Variants in PCDHA9 observed in about 807,000 individuals in gnomAD.
PCDHA9 encodes protocadherin alpha 9.
In PCDHA9, 62 loss-of-function variants were observed where a neutral mutation model predicts 62.0. The ratio of observed to expected loss-of-function variants is 1.00; its 90% CI spans 0.81 to 1.23. The LOEUF is 1.23. Ranked by LOEUF, PCDHA9 falls within the 50% of genes most tolerant of loss-of-function variation. PCDHA9 has a pLI of 0.00. For synonymous variants in PCDHA9, 557 were observed against 567.6 expected, an observed-to-expected ratio of 0.98 and a Z score of 0.27; for missense variants, 1,205 against 1,249.8, an observed-to-expected ratio of 0.96 and a Z score of 0.54.
rs1554262627 is a variant in PCDHA9 at position 141,009,982 on chromosome 5, T to C, written c.*45T>C. On this transcript the variant is annotated 3_prime_UTR_variant, in exon 4 of 4. Transcript: ENST00000532602. ...GCCACTTAGCCAGTTTTTGTAATAA[T>C]GGCAAATCTCTCCCATGTAGCAATT... 1 of 1,582,572 alleles carries C rather than the reference T, an allele frequency of 6.3e-7. No homozygotes were observed. Among genetic ancestry groups the C allele is most frequent in the East Asian group, 2.2e-5 (1 of 44,666 alleles).
chr5:140,969,228 G>C, intron 1 of PCDHA9: 1 of 1,614,176 alleles, frequency 6.2e-7, no homozygotes, highest in Non-Finnish European at 8.5e-7. Flanking sequence ...GGGCCTTCGG[G>C]AGCCCAAGCA....
intron 1 of PCDHA9, among the ~76,000 whole-genome samples, chr5:140,918,454 C>A (rs1168986520): frequency 6.6e-6 from 1 of 152,158 alleles, no homozygotes; most frequent in Non-Finnish European, 1.5e-5. Context: ...CAGTGGGCAT[C>A]CTTGTCTTAT....
At chr5:140,894,740 AT>A (rs1157881854) in intron 1 of PCDHA9, among the ~76,000 whole-genome samples, 3 of 150,972 alleles carry the variant, frequency 2.0e-5, no homozygotes, top group Non-Finnish European at 3.0e-5. Flanking sequence ...AATTTGTGGA[AT>A]TTTTTTTCTT....
At chr5:140,923,373 T>A (rs1354356076) in intron 1 of PCDHA9, among the ~76,000 whole-genome samples, 4 of 152,048 alleles carry the variant, frequency 2.6e-5, no homozygotes, top group South Asian at 2.1e-4. Flanking sequence ...AAAATATTTT[T>A]AAAAATTAGT....
At chr5:140,857,620 C>T (rs782083775) in intron 1 of PCDHA9, 2 of 1,596,564 alleles carry the variant, frequency 1.3e-6, no homozygotes, top group East Asian at 2.2e-5. Context: ...CGCTGGACCA[C>T]GAGGAGCTGG....
chr5:140,939,175 C>A (rs2092330886), intron 1 of PCDHA9, among the ~76,000 whole-genome samples: 1 of 152,010 alleles, frequency 6.6e-6, no homozygotes, highest in African/African-American at 2.4e-5. Context: ...TGGTAATGGC[C>A]CACTCCCTGG....
chr5:140,968,896 A>G (rs2096277975), intron 1 of PCDHA9: 1 of 1,614,240 alleles, frequency 6.2e-7, no homozygotes, highest in Non-Finnish European at 8.5e-7. Context: ...ATCTAATAAT[A>G]GCATTAAGCA....
chr5:140,881,581 T>C (rs782420499), intron 1 of PCDHA9, among the ~76,000 whole-genome samples: 2 of 152,222 alleles, frequency 1.3e-5, no homozygotes, highest in African/African-American at 2.4e-5. Context: ...TCAAGTCACA[T>C]TGAGGGAAAT....
intron 3 of PCDHA9, among the ~76,000 whole-genome samples, chr5:141,007,395 C>CAAAAAAAAAAAAAA (rs35800918): frequency 1.1e-5 from 1 of 94,866 alleles, no homozygotes; most frequent in Non-Finnish European, 2.1e-5. Context: ...TACTAAAATA[C>CAAAAAAAAAAAAAA]AAAAAAAAAA....
intron 3 of PCDHA9, among the ~76,000 whole-genome samples, chr5:141,005,531 G>A (rs1441846175): frequency 1.3e-5 from 2 of 151,072 alleles, no homozygotes; most frequent in African/African-American, 4.9e-5. Context: ...GTGAAACCCC[G>A]TCTCTACTAA....
At chr5:140,859,835 A>G (rs2046039280) in intron 1 of PCDHA9, 1 of 152,134 alleles carries the variant, frequency 6.6e-6, no homozygotes, top group South Asian at 2.1e-4. Context: ...TGTATTTGTT[A>G]TTTTATCAAA....
At chr5:140,916,270 G>T (rs1487301756) in intron 1 of PCDHA9, among the ~76,000 whole-genome samples, 2 of 152,180 alleles carry the variant, frequency 1.3e-5, no homozygotes, top group Non-Finnish European at 2.9e-5. Context: ...GAGCATGCTT[G>T]TTGCTCTACT....
chr5:140,985,401 C>T (rs2097150530), intron 3 of PCDHA9, among the ~76,000 whole-genome samples: 1 of 152,108 alleles, frequency 6.6e-6, no homozygotes, highest in Non-Finnish European at 1.5e-5. Flanking sequence ...CCAACTGTTC[C>T]CCTGGAAATG....
At position 140,849,456 on chromosome 5, in the gene PCDHA9, G is replaced by A. The variant is rs148680565; in HGVS notation, c.961G>A (p.Glu321Lys). The change falls in exon 1 of 4, where the codon GAG becomes AAG. Residue 321 changes from glutamate to lysine, a missense_variant. Physicochemically the swap from Glu to Lys is moderately conservative, Grantham distance 56. Around this residue, in one of 3 missense-constraint regions of PCDHA9, gnomAD observed 110 missense variants for 227.2 expected, o/e 0.48. Transcript: ENST00000532602. Reference protein sequence around the residue: ...EESRAHKIPVEAVDKGFPPLA... With the variant: ...EESRAHKIPVKAVDKGFPPLA... ...AAGTAGAGCACACAAGATCCCAGTC[G>A]AGGCTGTCGATAAAGGCTTCCCACC... The A allele has an allele frequency of 1.5e-5, 24 of 1,587,206 alleles. 3 individuals carry two copies. Among genetic ancestry groups the A allele is most frequent in the Non-Finnish European group, 1.8e-5 (21 of 1,161,294 alleles).
At chr5:140,862,498 TG>T in intron 1 of PCDHA9, 1 of 395,232 alleles carries the variant, frequency 2.5e-6, no homozygotes, top group Non-Finnish European at 5.1e-6. Flanking sequence ...TCGCTCGGAA[TG>T]GGGACTCGCT....
chr5:140,857,791 G>A, intron 1 of PCDHA9: 2 of 1,597,714 alleles, frequency 1.3e-6, no homozygotes, highest in Non-Finnish European at 1.7e-6. Context: ...AGCTGGTGCT[G>A]CGGTCGGTGG....
intron 1 of PCDHA9, among the ~76,000 whole-genome samples, chr5:140,971,092 G>A (rs1263264725): frequency 2.0e-5 from 3 of 152,168 alleles, no homozygotes; most frequent in Non-Finnish European, 4.4e-5. Flanking sequence ...ACAAATTCTT[G>A]TGAAGCCCTT....
chr5:140,893,922 G>C (rs1179113151), intron 1 of PCDHA9, among the ~76,000 whole-genome samples: 4 of 152,156 alleles, frequency 2.6e-5, no homozygotes. Context: ...GTCTTTTTCA[G>C]AATCTCTACC....
chr5:140,996,837 G>A (rs1382866699), intron 3 of PCDHA9, among the ~76,000 whole-genome samples: 7 of 151,992 alleles, frequency 4.6e-5, no homozygotes, highest in African/African-American at 7.3e-5. Flanking sequence ...ATAATTTAGC[G>A]TGCATCTTCA....
Sources: gnomAD v4.1 joint callset for allele counts (sites outside exome capture counted in the v4.1 genomes callset) on GRCh38, gnomAD v4.1.1 for gene constraint, gnomAD v4.1.1 regional missense constraint, MANE v1.5 for transcripts, NCBI Gene and HGNC (gene_info 2026-07-23, HGNC 2026-07-21) for gene names.